The following PABPC4L variants were observed in gnomAD, a reference collection of about 807,000 sequenced individuals.
The protein encoded by PABPC4L is poly(A) binding protein cytoplasmic 4 like.
For missense variants in PABPC4L, 452 were observed against 451.4 expected (o/e 1.00, Z -0.01); for synonymous variants, 169 against 164.1 (o/e 1.03, Z -0.23).
chr4:134,073,052 C>T, the PABPC4L span, among the ~76,000 whole-genome samples: 1 of 152,146 alleles, frequency 6.6e-6, no homozygotes, highest in African/African-American at 2.4e-5. Flanking sequence ...AATCTCATGT[C>T]CTCACATTTT....
the PABPC4L span, among the ~76,000 whole-genome samples, chr4:134,102,363 A>G: frequency 6.6e-6 from 1 of 151,554 alleles, no homozygotes; most frequent in African/African-American, 2.4e-5. Flanking sequence ...TATGGAGAAG[A>G]AATTTTTACC....
At chr4:134,137,086 CA>C in the PABPC4L span, among the ~76,000 whole-genome samples, 2 of 151,916 alleles carry the variant, frequency 1.3e-5, no homozygotes, top group Non-Finnish European at 1.5e-5. Context: ...GGAGGAAGAC[CA>C]ATTTTTATGT....
the PABPC4L span, among the ~76,000 whole-genome samples, chr4:134,046,202 G>A: frequency 3.3e-5 from 5 of 152,058 alleles, no homozygotes; most frequent in African/African-American, 9.7e-5. Flanking sequence ...AGGGGAATGG[G>A]GCAGGAGGAC....
At chr4:134,072,147 A>C in the PABPC4L span, among the ~76,000 whole-genome samples, 5 of 152,312 alleles carry the variant, frequency 3.3e-5, no homozygotes, top group East Asian at 9.7e-4. Flanking sequence ...ACAACCAATG[A>C]CATAAATCAC....
chr4:134,134,170 G>A, the PABPC4L span, among the ~76,000 whole-genome samples: 2 of 151,916 alleles, frequency 1.3e-5, no homozygotes, highest in East Asian at 1.9e-4. Context: ...TCCTTCCCTT[G>A]AATCATCTGA....
At chr4:134,078,950 G>A in the PABPC4L span, among the ~76,000 whole-genome samples, 27 of 145,988 alleles carry the variant, frequency 1.8e-4, no homozygotes, top group Admixed American at 1.0e-3. Flanking sequence ...TTACAGGCGT[G>A]AGCCACCGTG....
At chr4:133,983,681 A>T in the PABPC4L span, among the ~76,000 whole-genome samples, 1 of 151,906 alleles carries the variant, frequency 6.6e-6, no homozygotes, top group Non-Finnish European at 1.5e-5. Context: ...TACTAAGTGG[A>T]TATAATTCTA....
chr4:134,164,001 C>T, the PABPC4L span, among the ~76,000 whole-genome samples: 11 of 152,048 alleles, frequency 7.2e-5, no homozygotes, highest in South Asian at 2.1e-4. Context: ...CGGTGGCTCA[C>T]GCCTGTAATC....
At chr4:134,054,897 A>G in the PABPC4L span, among the ~76,000 whole-genome samples, 1 of 152,050 alleles carries the variant, frequency 6.6e-6, no homozygotes, top group Non-Finnish European at 1.5e-5. Context: ...CAAGAATTCA[A>G]TTGCTGGATT....
chr4:133,976,341 T>C, the PABPC4L span, among the ~76,000 whole-genome samples: 2 of 152,202 alleles, frequency 1.3e-5, no homozygotes, highest in Non-Finnish European at 2.9e-5. Flanking sequence ...ACATTTTATT[T>C]ATTCAGTCTA....
At chr4:134,066,054 T>G in the PABPC4L span, among the ~76,000 whole-genome samples, 1 of 152,250 alleles carries the variant, frequency 6.6e-6, no homozygotes, top group South Asian at 2.1e-4. Flanking sequence ...CTTTCAGTTT[T>G]GTTCTTTTTG....
chr4:134,127,340 T>A, the PABPC4L span, among the ~76,000 whole-genome samples: 107,630 of 151,934 alleles, frequency 0.71, 39,697 homozygotes, highest in East Asian at 1. Flanking sequence ...GCTAGAGGAC[T>A]ACCAACACAA....
At chr4:134,163,587 T>G in the PABPC4L span, among the ~76,000 whole-genome samples, 113 of 152,188 alleles carry the variant, frequency 7.4e-4, no homozygotes, top group East Asian at 0.021. Context: ...TGAACATAGA[T>G]GCAAAAATCC....
At chr4:134,201,471 G>A (rs935684107) in intron 1 of PABPC4L, among the ~76,000 whole-genome samples, 4 of 152,132 alleles carry the variant, frequency 2.6e-5, no homozygotes, top group African/African-American at 9.7e-5. Context: ...CGTGGAGTAT[G>A]GGCTGCGAGG....
chr4:134,131,321 G>T, the PABPC4L span, among the ~76,000 whole-genome samples: 1 of 152,058 alleles, frequency 6.6e-6, no homozygotes, highest in East Asian at 1.9e-4. Flanking sequence ...AAATCTCCTA[G>T]ATATAGTAAG....
the PABPC4L span, among the ~76,000 whole-genome samples, chr4:134,089,896 C>A: frequency 6.1e-4 from 93 of 152,114 alleles, 1 homozygote; most frequent in African/African-American, 2.1e-3. Context: ...GCATCCACTA[C>A]GGATCTTGGA....
chr4:134,022,575 T>C, the PABPC4L span, among the ~76,000 whole-genome samples: 1 of 152,102 alleles, frequency 6.6e-6, no homozygotes, highest in East Asian at 1.9e-4. Context: ...AGTTTAGTTT[T>C]TTTTTTATTT....
chr4:134,158,992 A>C, the PABPC4L span, among the ~76,000 whole-genome samples: 1 of 152,314 alleles, frequency 6.6e-6, no homozygotes, highest in East Asian at 1.9e-4. Flanking sequence ...ATCTAAACAT[A>C]TTGATACATA....
At chr4:134,125,711 T>C in the PABPC4L span, among the ~76,000 whole-genome samples, 7 of 152,272 alleles carry the variant, frequency 4.6e-5, no homozygotes, top group East Asian at 1.4e-3. Context: ...AATAGTCATA[T>C]CCAAAAATGT....
Sources: allele counts gnomAD v4.1 joint callset (sites outside exome capture counted in the v4.1 genomes callset), GRCh38; gene constraint gnomAD v4.1.1; transcripts MANE v1.5; gene names NCBI Gene and HGNC (gene_info 2026-07-23, HGNC 2026-07-21).